DLG2: variants seen among roughly 807,000 people sequenced by gnomAD.
DLG2 encodes discs large MAGUK scaffold protein 2.
In DLG2, 45 loss-of-function variants were observed where a neutral mutation model predicts 132.5. The ratio of observed to expected loss-of-function variants is 0.34; its 90% CI spans 0.27 to 0.44. DLG2 has a LOEUF of 0.44. DLG2 is among the 20% of genes least tolerant of loss of function. The probability of loss-of-function intolerance (pLI) is 1.00; values close to 1 mark genes in which losing one functional copy is unlikely to be tolerated. For missense variants in DLG2, 1,045 were observed against 1,196.9 expected (o/e 0.87, Z 1.87); for synonymous variants, 424 against 419.6 (o/e 1.01, Z -0.13).
chr11:85,394,958 C>A (rs986820197), intron 3 of DLG2, among the ~76,000 whole-genome samples: 15 of 152,306 alleles, frequency 9.8e-5, no homozygotes, highest in African/African-American at 3.6e-4. Flanking sequence ...AACATGTATA[C>A]TTTTGCACTA....
At chr11:83,460,745 CCTCAGAATATAT>C (rs1186237383) in intron 27 of DLG2, among the ~76,000 whole-genome samples, 1 of 152,144 alleles carries the variant, frequency 6.6e-6, no homozygotes, top group African/African-American at 2.4e-5. Context: ...TAAAAACAAT[CCTCAGAATATAT>C]TATTGTATTG....
intron 17 of DLG2, among the ~76,000 whole-genome samples, chr11:83,794,476 A>G (rs151184448): frequency 5.4e-5 from 7 of 129,076 alleles, no homozygotes; most frequent in Non-Finnish European, 1.2e-4. Flanking sequence ...TTCAGTTTGA[A>G]CTTTTTCACC....
At chr11:84,482,690 A>G (rs2099140914) in intron 7 of DLG2, among the ~76,000 whole-genome samples, 1 of 152,216 alleles carries the variant, frequency 6.6e-6, no homozygotes, top group East Asian at 1.9e-4. Flanking sequence ...ACACTGCTTC[A>G]TATTATTTGG....
chr11:84,961,827 G>GCTGA (rs2052626414), intron 6 of DLG2, among the ~76,000 whole-genome samples: 1 of 152,278 alleles, frequency 6.6e-6, no homozygotes, highest in South Asian at 2.1e-4. Flanking sequence ...AAGGTCTGTA[G>GCTGA]CTGAAACTGA....
chr11:83,727,405 G>C (rs1325036994), intron 18 of DLG2, among the ~76,000 whole-genome samples: 1 of 152,156 alleles, frequency 6.6e-6, no homozygotes, highest in African/African-American at 2.4e-5. Context: ...ACCACCCAAG[G>C]CTAATGTGGT....
intron 3 of DLG2, among the ~76,000 whole-genome samples, chr11:85,583,169 T>C (rs2078728651): frequency 8.1e-6 from 1 of 123,916 alleles, no homozygotes; most frequent in East Asian, 2.2e-4. Flanking sequence ...TATATATATA[T>C]GTTTTGTTTG....
intron 8 of DLG2, among the ~76,000 whole-genome samples, chr11:84,197,457 T>G (rs779205362): frequency 2.6e-5 from 4 of 152,196 alleles, no homozygotes; most frequent in Non-Finnish European, 4.4e-5. Context: ...TCTTCTGTTA[T>G]TCAATCCAGG....
At chr11:84,799,278 C>T (rs2075070068) in intron 6 of DLG2, among the ~76,000 whole-genome samples, 2 of 152,152 alleles carry the variant, frequency 1.3e-5, no homozygotes, top group Admixed American at 1.3e-4. Context: ...CTGTTCTGGT[C>T]CAGATGCTTT....
intron 18 of DLG2, among the ~76,000 whole-genome samples, chr11:83,734,332 A>G (rs991384948): frequency 6.9e-6 from 1 of 145,214 alleles, no homozygotes; most frequent in South Asian, 2.3e-4. Context: ...TATGATCACT[A>G]ATTTTCCCTT....
At chr11:83,722,198 A>T (rs1450329791) in intron 18 of DLG2, among the ~76,000 whole-genome samples, 1 of 152,166 alleles carries the variant, frequency 6.6e-6, no homozygotes, top group East Asian at 1.9e-4. Context: ...AAAACTGGAA[A>T]GTTTATGGGT....
intron 6 of DLG2, among the ~76,000 whole-genome samples, chr11:85,068,408 T>C (rs1374212886): frequency 6.6e-6 from 1 of 152,116 alleles, no homozygotes; most frequent in Non-Finnish European, 1.5e-5. Context: ...AACCCCATAG[T>C]CTCAGCCCAA....
At chr11:84,155,854 A>G (rs565654944) in intron 9 of DLG2, among the ~76,000 whole-genome samples, 218 of 152,224 alleles carry the variant, frequency 1.4e-3, no homozygotes, top group African/African-American at 5.0e-3. Flanking sequence ...ATAATATACC[A>G]AGGAGTTTAA....
chr11:83,591,890 C>T (rs1265386577), intron 19 of DLG2, among the ~76,000 whole-genome samples: 1 of 143,072 alleles, frequency 7.0e-6, no homozygotes, highest in Non-Finnish European at 1.5e-5. Context: ...CTCCCATTCA[C>T]AATTGCTTCA....
intron 19 of DLG2, among the ~76,000 whole-genome samples, chr11:83,596,450 T>G (rs1282667228): frequency 6.6e-6 from 1 of 152,198 alleles, no homozygotes; most frequent in Non-Finnish European, 1.5e-5. Context: ...TTTATTCCCA[T>G]TGCCTGTGCT....
intron 19 of DLG2, among the ~76,000 whole-genome samples, chr11:83,581,538 T>A (rs1301682185): frequency 6.6e-6 from 1 of 152,188 alleles, no homozygotes; most frequent in Non-Finnish European, 1.5e-5. Context: ...GTCATACACT[T>A]GAATTATGGT....
chr11:83,624,809 G>A, intron 19 of DLG2, among the ~76,000 whole-genome samples: 1 of 152,114 alleles, frequency 6.6e-6, no homozygotes. Context: ...TCTACTTGGA[G>A]GAAATCAGTA....
At chr11:84,852,090 T>C (rs1336733896) in intron 6 of DLG2, among the ~76,000 whole-genome samples, 1 of 152,196 alleles carries the variant, frequency 6.6e-6, no homozygotes, top group East Asian at 1.9e-4. Context: ...ATTTACCTTT[T>C]GGATCAATGG....
chr11:85,416,054 T>C (rs1160420748), intron 3 of DLG2, among the ~76,000 whole-genome samples: 1 of 152,198 alleles, frequency 6.6e-6, no homozygotes, highest in African/African-American at 2.4e-5. Context: ...TTGTAAAAGG[T>C]GTAAGGACGG....
chr11:84,169,659 A>G (rs2095767995), intron 8 of DLG2, among the ~76,000 whole-genome samples: 1 of 151,342 alleles, frequency 6.6e-6, no homozygotes, highest in South Asian at 2.1e-4. Context: ...GATCACTCGA[A>G]GTCAGGAGTT....
Sources: allele counts gnomAD v4.1 joint callset (sites outside exome capture counted in the v4.1 genomes callset), GRCh38; gene constraint gnomAD v4.1.1; transcripts MANE v1.5; gene names NCBI Gene and HGNC (gene_info 2026-07-23, HGNC 2026-07-21).